Variants in DUSP8 observed in about 807,000 individuals in gnomAD.
DUSP8 encodes the protein dual specificity phosphatase 8, also known as dual specificity protein phosphatase 8.
DUSP8 carries 15 observed loss-of-function variants against 38.7 expected under a neutral mutation model. The ratio of observed to expected loss-of-function variants is 0.39; its 90% CI spans 0.26 to 0.60. DUSP8 has a LOEUF of 0.60. DUSP8 is among the 20% of genes least tolerant of loss of function. DUSP8 has a pLI of 0.56. For synonymous variants in DUSP8, 458 were observed against 433.9 expected, an observed-to-expected ratio of 1.06 and a Z score of -0.69; for missense variants, 768 against 915.0, an observed-to-expected ratio of 0.84 and a Z score of 2.07.
At position 1,558,033 on chromosome 11, in the gene DUSP8, C is replaced by T; in HGVS notation, c.697+79G>A. 1.9e-6 allele frequency: 3 copies of T among 1,610,904 alleles called. No individual in the cohort carries two copies. In the South Asian group the frequency reaches 3.3e-5, roughly 18 times the overall value. ...AACAGTTCCGGCTACTTCCTGGGGA[C>T]CCCTCCTGTGTCTGTGGCCACACAC... On this transcript the variant is annotated intron_variant, in intron 5 of 6. Transcript: ENST00000397374. This position sits in a 1 kb window ranked among gnomAD's most constrained non-coding sequence, Gnocchi z 6.3.
At position 1,565,654 on chromosome 11, in the gene DUSP8, C is replaced by T. The variant is rs770644131; in HGVS notation, c.173G>A (p.Arg58Gln). 1.5e-5 allele frequency: 24 copies of T among 1,611,144 alleles called. No homozygotes were observed. Among genetic ancestry groups the T allele is most frequent in the African/African-American group, 1.3e-4 (10 of 74,914 alleles). The change falls in exon 2 of 7, where the codon CGG becomes CAG. Residue 58 changes from arginine to glutamine, a missense_variant. Physicochemically the swap from Arg to Gln is conservative, Grantham distance 43 (BLOSUM62 1). Transcript: ENST00000397374. ...NICCSKLVKR[R>Q]LQQGKVTIAE... ...AATGGTCACCTTGCCCTGCTGCAGCCGCCGCTTCACCAGCTTGGAGCAGCA... is the reference window on the plus strand; with the variant it reads ...AATGGTCACCTTGCCCTGCTGCAGCTGCCGCTTCACCAGCTTGGAGCAGCA...
Position 1,555,492 on chromosome 11 carries a change from G to T in DUSP8, c.*1026C>A. 5 of 796,828 alleles carry T rather than the reference G, an allele frequency of 6.3e-6. No individual in the cohort carries two copies. Among genetic ancestry groups the T allele is most frequent in the South Asian group, 5.7e-5 (1 of 17,648 alleles). 49.4% of individuals were successfully genotyped at this position (796,828 alleles called of 1,614,324 possible). A position where few individuals can be genotyped will look rare whatever the true frequency, so the allele number is the denominator to read the frequency against. On this transcript the variant is annotated 3_prime_UTR_variant, in exon 7 of 7. Transcript: ENST00000397374. ...TCTGCCTGGGGCATGGCTGGGAGGG[G>T]GGCGGGGCAGACCTGGAACAGAACC...
intron 1 of DUSP8, among the ~76,000 whole-genome samples, chr11:1,566,904 T>A (rs968577837): frequency 1.3e-4 from 19 of 151,886 alleles, no homozygotes; most frequent in Admixed American, 9.2e-4. Context: ...GCAGGCTTGA[T>A]GACAAGCCTG....
At chr11:1,570,130 G>A (rs577830123) in intron 1 of DUSP8, among the ~76,000 whole-genome samples, 3 of 152,174 alleles carry the variant, frequency 2.0e-5, no homozygotes, top group African/African-American at 4.8e-5. Flanking sequence ...TCCCAGGAAC[G>A]GGGTCCGGGC....
intron 1 of DUSP8, among the ~76,000 whole-genome samples, chr11:1,570,704 G>A (rs1470276891): frequency 6.6e-6 from 1 of 152,144 alleles, no homozygotes; most frequent in East Asian, 1.9e-4. Flanking sequence ...TTCCAGCTGG[G>A]GTCACATGAT....
intron 3 of DUSP8, chr11:1,559,348 G>A (rs1346088039): frequency 1.2e-5 from 5 of 417,206 alleles, no homozygotes; most frequent in Middle Eastern, 6.0e-4. Context: ...TAAAGGTGGC[G>A]TTGAGGTGGC....
chr11:1,562,930 T>C (rs1277043932), intron 3 of DUSP8, among the ~76,000 whole-genome samples: 1 of 152,134 alleles, frequency 6.6e-6, no homozygotes, highest in Non-Finnish European at 1.5e-5. Context: ...TCCCAGGACA[T>C]GCCATGTCGG....
intron 1 of DUSP8, among the ~76,000 whole-genome samples, chr11:1,566,930 C>T (rs1396114934): frequency 2.0e-5 from 3 of 152,176 alleles, no homozygotes; most frequent in Admixed American, 1.3e-4. Flanking sequence ...GCCCCACTGC[C>T]GGGCCCCATC....
intron 3 of DUSP8, among the ~76,000 whole-genome samples, chr11:1,562,557 A>G (rs1250292770): frequency 5.3e-5 from 8 of 152,174 alleles, no homozygotes; most frequent in Non-Finnish European, 1.0e-4. Flanking sequence ...AGGCGGGTAC[A>G]TACACAAATA....
chr11:1,566,206 C>A (rs1394159208), intron 1 of DUSP8, among the ~76,000 whole-genome samples: 3 of 152,198 alleles, frequency 2.0e-5, no homozygotes, highest in Middle Eastern at 6.8e-3. Context: ...CTGGGGTTCA[C>A]GGACCCTTAG....
Position 1,556,592 on chromosome 11 carries a change from G to A in DUSP8, c.1804C>T (p.Arg602Cys). 2.1e-6 allele frequency: 3 copies of A among 1,435,428 alleles called. No homozygotes were observed. Among genetic ancestry groups the A allele is most frequent in the East Asian group, 3.0e-5 (1 of 33,400 alleles). The allele number at this position is 1,435,428 out of a possible 1,614,324, so 88.9% of individuals were successfully genotyped here. A position where few individuals can be genotyped will look rare whatever the true frequency, so the allele number is the denominator to read the frequency against. ...FEEGMVEGRA[R>C]GEELAALGKQ... ...CCCAGGGCGGCCAGCTCCTCGCCGC[G>A]CGCGCGCCCCTCCACCATGCCCTCC... The change falls in exon 7 of 7, where the codon CGC (arginine) becomes TGC (cysteine). Residue 602 changes from arginine (R) to cysteine (C), a missense_variant. By Grantham distance (180) the Arg-to-Cys change is radical. Transcript: ENST00000397374. This position sits in a 1 kb window ranked among gnomAD's most constrained non-coding sequence, Gnocchi z 5.2.
intron 2 of DUSP8, among the ~76,000 whole-genome samples, chr11:1,565,381 C>G (rs1268408025): frequency 6.6e-6 from 1 of 152,156 alleles, no homozygotes; most frequent in Admixed American, 6.5e-5. Context: ...GGGAAGGGTG[C>G]TGCGGGCGGG....
At position 1,558,353 on chromosome 11, in the gene DUSP8, C is replaced by T. The variant is rs1160447664; in HGVS notation, c.538-82G>A. On this transcript the variant is annotated intron_variant, in intron 4 of 6. Coordinates refer to ENST00000397374, the MANE Select transcript of DUSP8 (RefSeq NM_004420.3). This position sits in a 1 kb window ranked among gnomAD's most constrained non-coding sequence, Gnocchi z 6.3. ...AAGGTGGAGGCTTTTCCTGCCCTGC[C>T]GTCAGGAGGGCCTTTAGAATCCTGG... is the stretch of plus-strand genomic sequence containing the variant. 1.9e-5 allele frequency: 22 copies of T among 1,182,404 alleles called. No homozygotes were observed. The highest frequency in any genetic ancestry group is 7.6e-5 in the African/African-American group (5 of 65,676). 73.2% of individuals were successfully genotyped at this position (1,182,404 alleles called of 1,614,324 possible).
At position 1,572,078 on chromosome 11, in the gene DUSP8, C is replaced by G. The variant is rs1412164286; in HGVS notation, c.-286G>C. ...CGCCGCCAACGCCGCGGGGAGCGCT[C>G]GCTCGGGCCGGGGCGCGCGCACTGC... On this transcript the variant is annotated 5_prime_UTR_variant, in exon 1 of 7. Transcript: ENST00000397374. The surrounding 1 kb of genome is among the most constrained non-coding windows in gnomAD (Gnocchi z 4.7). Among the ~76,000 whole-genome samples the G allele has an allele frequency of 6.9e-6, 1 of 145,236 alleles. No individual in the cohort carries two copies. The highest frequency in any genetic ancestry group is 1.5e-5 in the Non-Finnish European group (1 of 65,568).
Position 1,563,877 on chromosome 11 carries a change from C to T in DUSP8, c.344G>A (p.Cys115Tyr). Residue 115 changes from cysteine (C) to tyrosine (Y), a missense_variant, in exon 3 of 7, where the codon TGC becomes TAC. Physicochemically the swap from Cys to Tyr is radical, Grantham distance 194 (BLOSUM62 -2). Around this residue, in one of 3 missense-constraint regions of DUSP8, gnomAD observed 252 missense variants for 410.4 expected, o/e 0.61. Transcript: ENST00000397374. ...LSILLSKLDGCFDSVAILTGG... is the reference protein window; with the variant it reads ...LSILLSKLDGYFDSVAILTGG... ...AGTGAGGATGGCCACGCTGTCGAAG[C>T]AGCCGTCCAGCTTGCTCAGCAGGAT... The T allele has an allele frequency of 5.2e-6, 8 of 1,546,216 alleles. No homozygotes were observed. The highest frequency in any genetic ancestry group is 7.0e-6 in the Non-Finnish European group (8 of 1,144,816).
chr11:1,555,600 C>T lies in DUSP8; in HGVS notation c.*918G>A. The T allele has an allele frequency of 2.2e-6, 1 of 459,386 alleles. No individual in the cohort carries two copies. The highest frequency in any genetic ancestry group is 2.9e-6 in the Non-Finnish European group (1 of 349,276). 28.5% of individuals were successfully genotyped at this position (459,386 alleles called of 1,614,324 possible). A position where few individuals can be genotyped will look rare whatever the true frequency, so the allele number is the denominator to read the frequency against. ...GCACTGGCTAGCCAGGCGCCTCCTG[C>T]CTGACCCCCGGAGGCCAAGCTCCTC... On this transcript the variant is annotated 3_prime_UTR_variant, in exon 7 of 7. Coordinates refer to ENST00000397374, the MANE Select transcript of DUSP8 (RefSeq NM_004420.3).
At chr11:1,572,575 A>G (rs1004525798), upstream of DUSP8, among the ~76,000 whole-genome samples, 2 of 150,330 alleles carry the variant, frequency 1.3e-5, no homozygotes, top group African/African-American at 4.9e-5. The surrounding 1 kb of genome is among the most constrained non-coding windows in gnomAD (Gnocchi z 4.7). Flanking sequence ...CGCGTCACCC[A>G]GGCCCCCCGT....
At position 1,558,875 on chromosome 11, in the gene DUSP8, C is replaced by T; in HGVS notation, c.537+14G>A. 1.9e-6 allele frequency: 3 copies of T among 1,599,192 alleles called. No homozygotes were observed. Among genetic ancestry groups the T allele is most frequent in the Admixed American group, 1.7e-5 (1 of 58,360 alleles). ...TTCCCATTGACCACCCCCCGAACTC[C>T]ACTGCACACACACCTTGTTTAGGAC... On this transcript the variant is annotated intron_variant, in intron 4 of 6. Coordinates refer to ENST00000397374, the MANE Select transcript of DUSP8 (RefSeq NM_004420.3). The surrounding 1 kb of genome is among the most constrained non-coding windows in gnomAD (Gnocchi z 6.3).
In DUSP8 at chr11:1,565,288, C is replaced by T. The variant is rs556480292; in HGVS notation, c.231+308G>A. The stretch of plus-strand genomic sequence containing the variant: ...CTCCCCTCTGTGAGCCTGGGTTGGC[C>T]CTGGCCACACAGTCCTATCTGCGTG... On this transcript the variant is annotated intron_variant, in intron 2 of 6. Transcript: ENST00000397374. Among the ~76,000 whole-genome samples the T allele has an allele frequency of 1.3e-4, 20 of 152,316 alleles. No homozygotes were observed. The East Asian group carries it at 3.9e-3, about 29-fold the overall frequency.
Sources: allele counts gnomAD v4.1 joint callset (sites outside exome capture counted in the v4.1 genomes callset), GRCh38; gene constraint gnomAD v4.1.1; regional missense constraint gnomAD v4.1.1; non-coding constraint Gnocchi (gnomAD v3.1); transcripts MANE v1.5; gene names NCBI Gene and HGNC (gene_info 2026-07-23, HGNC 2026-07-21).